ZNF804A: variants seen among roughly 807,000 people sequenced by gnomAD.
ZNF804A encodes zinc finger protein 804A.
In ZNF804A, 2 loss-of-function variants were observed where a neutral mutation model predicts 16.5. The ratio of observed to expected loss-of-function variants is 0.12; its 90% confidence interval spans 0.05 to 0.38. ZNF804A has a LOEUF of 0.38. Among genes scored for constraint, ZNF804A ranks in the 10% least tolerant of loss-of-function variants. ZNF804A has a pLI of 0.99. For synonymous variants in ZNF804A, 534 were observed against 489.6 expected, an observed-to-expected ratio of 1.09 and a Z score of -1.20; for missense variants, 1,473 against 1,390.7, an observed-to-expected ratio of 1.06 and a Z score of -0.94.
chr2:184,679,422 G>A (rs1276847109), intron 1 of ZNF804A, among the ~76,000 whole-genome samples: 1 of 152,194 alleles, frequency 6.6e-6, no homozygotes, highest in Non-Finnish European at 1.5e-5. Context: ...GCTGGGGACA[G>A]GTGGAGCCCC....
chr2:184,873,254 G>T (rs576790846), intron 2 of ZNF804A, among the ~76,000 whole-genome samples: 2 of 152,294 alleles, frequency 1.3e-5, no homozygotes, highest in Admixed American at 6.5e-5. Context: ...TTTGAAGACT[G>T]AGGCTGGCGG....
At chr2:184,774,090 C>CT (rs901344666) in intron 1 of ZNF804A, among the ~76,000 whole-genome samples, 2 of 151,858 alleles carry the variant, frequency 1.3e-5, no homozygotes, top group African/African-American at 2.4e-5. Context: ...AAAATCTTGC[C>CT]TTTTTTAGGT....
At chr2:184,680,575 C>G (rs1692523934) in intron 1 of ZNF804A, among the ~76,000 whole-genome samples, 1 of 152,228 alleles carries the variant, frequency 6.6e-6, no homozygotes, top group South Asian at 2.1e-4. Flanking sequence ...GGACAATCAT[C>G]AGAATGATGT....
chr2:184,630,410 T>C (rs1301209006), intron 1 of ZNF804A, among the ~76,000 whole-genome samples: 1 of 152,100 alleles, frequency 6.6e-6, no homozygotes, highest in African/African-American at 2.4e-5. Flanking sequence ...AAATCCTTCC[T>C]CCGATTTTTT....
chr2:184,628,403 A>T (rs1175436154), intron 1 of ZNF804A, among the ~76,000 whole-genome samples: 1 of 152,158 alleles, frequency 6.6e-6, no homozygotes, highest in Non-Finnish European at 1.5e-5. Flanking sequence ...GTTTAAAAGC[A>T]GATATGGAAA....
At chr2:184,804,881 A>G (rs571859103) in intron 1 of ZNF804A, among the ~76,000 whole-genome samples, 92 of 152,340 alleles carry the variant, frequency 6.0e-4, no homozygotes, top group African/African-American at 2.2e-3. Flanking sequence ...CTATAGCTAT[A>G]TCTATCTTCT....
intron 1 of ZNF804A, among the ~76,000 whole-genome samples, chr2:184,752,908 C>T (rs972610906): frequency 1.3e-5 from 2 of 151,406 alleles, no homozygotes; most frequent in African/African-American, 4.8e-5. Context: ...AACAAAACCA[C>T]AATGAGATGT....
chr2:184,765,964 C>A (rs1217590899), intron 1 of ZNF804A, among the ~76,000 whole-genome samples: 3 of 151,946 alleles, frequency 2.0e-5, no homozygotes, highest in Non-Finnish European at 4.4e-5. Flanking sequence ...ATCAATATAA[C>A]ACTTGCCGTC....
At chr2:184,910,967 G>A (rs956220582) in intron 2 of ZNF804A, among the ~76,000 whole-genome samples, 1 of 151,916 alleles carries the variant, frequency 6.6e-6, no homozygotes, top group Non-Finnish European at 1.5e-5. Flanking sequence ...ATGTGCAGAA[G>A]CTCTTTATTT....
At chr2:184,611,766 A>G (rs543752567) in intron 1 of ZNF804A, among the ~76,000 whole-genome samples, 1 of 152,302 alleles carries the variant, frequency 6.6e-6, no homozygotes, top group African/African-American at 2.4e-5. Context: ...TTTATTAGTA[A>G]AGAGTCAGTT....
At chr2:184,788,548 T>G (rs57862775) in intron 1 of ZNF804A, among the ~76,000 whole-genome samples, 11,403 of 152,042 alleles carry the variant, frequency 0.075, 1,448 homozygotes, top group African/African-American at 0.26. Flanking sequence ...ATATCGTTCA[T>G]CTCCTTTGTT....
At chr2:184,705,840 C>T (rs541897517) in intron 1 of ZNF804A, among the ~76,000 whole-genome samples, 25 of 152,142 alleles carry the variant, frequency 1.6e-4, no homozygotes, top group Non-Finnish European at 3.1e-4. Flanking sequence ...AAAATCATGG[C>T]TTTCTTTTCA....
chr2:184,881,433 C>T (rs534109130), intron 2 of ZNF804A, among the ~76,000 whole-genome samples: 27 of 151,884 alleles, frequency 1.8e-4, no homozygotes, highest in African/African-American at 6.3e-4. Context: ...CAAGATACTA[C>T]GTGAGAAAAC....
intron 1 of ZNF804A, among the ~76,000 whole-genome samples, chr2:184,736,757 T>C (rs184538771): frequency 6.6e-6 from 1 of 152,286 alleles, no homozygotes; most frequent in African/African-American, 2.4e-5. Flanking sequence ...TTTGTTTGTT[T>C]TTAACTTAAC....
chr2:184,799,325 C>G (rs1574218149), intron 1 of ZNF804A, among the ~76,000 whole-genome samples: 1 of 152,166 alleles, frequency 6.6e-6, no homozygotes, highest in East Asian at 1.9e-4. Context: ...TAATGTCAAA[C>G]TAGCCTTGCA....
At chr2:184,757,521 C>A (rs1200451894) in intron 1 of ZNF804A, among the ~76,000 whole-genome samples, 1 of 151,742 alleles carries the variant, frequency 6.6e-6, no homozygotes, top group Non-Finnish European at 1.5e-5. Context: ...ATTTAAAGAC[C>A]AAGTCATCTT....
intron 1 of ZNF804A, among the ~76,000 whole-genome samples, chr2:184,807,961 A>T (rs1413881530): frequency 6.6e-6 from 1 of 151,658 alleles, no homozygotes; most frequent in South Asian, 2.1e-4. Context: ...CTGAACCGTA[A>T]TCATACTATA....
intron 1 of ZNF804A, among the ~76,000 whole-genome samples, chr2:184,758,941 T>C (rs1693999773): frequency 6.6e-6 from 1 of 151,888 alleles, no homozygotes; most frequent in Non-Finnish European, 1.5e-5. Flanking sequence ...AGTATTCAAT[T>C]TTCTCAAATT....
At chr2:184,841,631 T>C (rs1695437821) in intron 1 of ZNF804A, among the ~76,000 whole-genome samples, 2 of 152,232 alleles carry the variant, frequency 1.3e-5, no homozygotes, top group South Asian at 4.1e-4. Context: ...ATACACTGGC[T>C]GACCAGTAAT....
Sources: gnomAD v4.1 joint callset for allele counts (sites outside exome capture counted in the v4.1 genomes callset) on GRCh38, gnomAD v4.1.1 for gene constraint, MANE v1.5 for transcripts, NCBI Gene and HGNC (gene_info 2026-07-23, HGNC 2026-07-21) for gene names.